The following PPP1R13B variants were observed in gnomAD, a reference collection of about 807,000 sequenced individuals.
PPP1R13B encodes the protein protein phosphatase 1 regulatory subunit 13B, also known as apoptosis-stimulating of p53 protein 1.
In PPP1R13B, 44 loss-of-function variants were observed where a neutral mutation model predicts 119.8. The observed-to-expected ratio is 0.37, with a 90% CI of 0.29 to 0.47. The LOEUF is 0.47. Among genes scored for constraint, PPP1R13B ranks in the 20% least tolerant of loss-of-function variants. PPP1R13B has a pLI of 0.99. For missense variants in PPP1R13B, 1,227 were observed against 1,413.5 expected (o/e 0.87, Z 2.12); for synonymous variants, 542 against 561.5 (o/e 0.97, Z 0.49).
chr14:103,820,955 G>A (rs1453187414), intron 1 of PPP1R13B, among the ~76,000 whole-genome samples: 2 of 152,120 alleles, frequency 1.3e-5, no homozygotes. Context: ...AAGCAAGAAA[G>A]TGATTGCTAC....
chr14:103,772,247 G>A (rs192181039), intron 4 of PPP1R13B, among the ~76,000 whole-genome samples: 31 of 152,290 alleles, frequency 2.0e-4, no homozygotes, highest in African/African-American at 5.8e-4. Flanking sequence ...ATCTGTTAAC[G>A]AACATTTGGG....
Position 103,810,720 on chromosome 14 carries a change from G to A in PPP1R13B, c.10-13202C>T, listed in dbSNP as rs186997080. Among the ~76,000 whole-genome samples the A allele has an allele frequency of 6.6e-5, 10 of 151,632 alleles. 1 individual carries two copies. In the East Asian group the frequency reaches 1.2e-3, roughly 18 times the overall value. ...CGGGAGGTGGCGCTTGCAGTGAGCCGAGATCGCACCACTGCACTCCAGCCT... is the reference window on the plus strand; with the variant it reads ...CGGGAGGTGGCGCTTGCAGTGAGCCAAGATCGCACCACTGCACTCCAGCCT... On this transcript the variant is annotated intron_variant, in intron 1 of 16. Transcript: ENST00000202556.
chr14:103,796,504 A>G (rs58369398), intron 2 of PPP1R13B, among the ~76,000 whole-genome samples: 8,463 of 152,268 alleles, frequency 0.056, 251 homozygotes, highest in Middle Eastern at 0.12. Context: ...AATTCTCCAC[A>G]TCGTATACTT....
intron 4 of PPP1R13B, among the ~76,000 whole-genome samples, chr14:103,771,195 G>A (rs992147588): frequency 2.6e-5 from 4 of 152,208 alleles, no homozygotes; most frequent in Admixed American, 6.5e-5. Flanking sequence ...CAAAAGGACA[G>A]TAGAAATTGA....
chr14:103,754,289 G>A, intron 5 of PPP1R13B, 45 bp from the exon 6 acceptor site: 1 of 1,569,040 alleles, frequency 6.4e-7, no homozygotes, highest in Non-Finnish European at 8.7e-7. Flanking sequence ...TGAAGGCTGG[G>A]CGCGGTGGCT....
At chr14:103,781,902 T>C (rs186959529) in intron 3 of PPP1R13B, among the ~76,000 whole-genome samples, 578 of 152,268 alleles carry the variant, frequency 3.8e-3, no homozygotes, top group Non-Finnish European at 6.5e-3. Flanking sequence ...TCCAACCTCC[T>C]TGGCCTCCCA....
Position 103,842,655 on chromosome 14 carries a change from T to C in PPP1R13B, c.9+4644A>G, listed in dbSNP as rs142386473. On this transcript the variant is annotated intron_variant, in intron 1 of 16. Transcript: ENST00000202556. ...CACTTCAGAGCTACAGAACAGTTCTTGACTCGTCGATACTCTTTTGGAAAA... is the reference window on the plus strand; with the variant it reads ...CACTTCAGAGCTACAGAACAGTTCTCGACTCGTCGATACTCTTTTGGAAAA... 9.9e-5 allele frequency among the ~76,000 whole-genome samples: 15 copies of C among 152,004 alleles called. No homozygotes were observed. The East Asian group carries it at 2.9e-3, about 30-fold the overall frequency.
At chr14:103,817,381 C>T (rs1179345992) in intron 1 of PPP1R13B, among the ~76,000 whole-genome samples, 1 of 151,722 alleles carries the variant, frequency 6.6e-6, no homozygotes, top group Admixed American at 6.6e-5. Flanking sequence ...GAAGACTACA[C>T]ATAAATTTAC....
chr14:103,826,710 C>CAAAAA (rs552679526), intron 1 of PPP1R13B, among the ~76,000 whole-genome samples: 1 of 88,314 alleles, frequency 1.1e-5, no homozygotes, highest in African/African-American at 4.2e-5. Context: ...CTGTCTCTAC[C>CAAAAA]AAAAAAAAAA....
At chr14:103,787,212 G>A (rs1363877709) in intron 2 of PPP1R13B, among the ~76,000 whole-genome samples, 1 of 151,810 alleles carries the variant, frequency 6.6e-6, no homozygotes, top group African/African-American at 2.4e-5. Flanking sequence ...ACTTTGGGAG[G>A]CTAAGGCAGG....
chr14:103,772,800 G>T (rs1405016285), intron 4 of PPP1R13B, among the ~76,000 whole-genome samples: 1 of 151,792 alleles, frequency 6.6e-6, no homozygotes. Context: ...CCAAGTAGTT[G>T]GGATTACAGG....
intron 1 of PPP1R13B, among the ~76,000 whole-genome samples, chr14:103,826,746 T>C (rs12433310): frequency 0.081 from 12,012 of 147,942 alleles, 647 homozygotes; most frequent in Admixed American, 0.18. Flanking sequence ...CAGTGGCTCA[T>C]GCCTGTAATC....
intron 7 of PPP1R13B, among the ~76,000 whole-genome samples, chr14:103,751,715 G>A (rs562685100): frequency 5.3e-5 from 8 of 152,178 alleles, no homozygotes; most frequent in Non-Finnish European, 1.0e-4. Context: ...GCGAGAAGGC[G>A]GCTCTCTGCA....
At chr14:103,792,378 A>C (rs895109245) in intron 2 of PPP1R13B, among the ~76,000 whole-genome samples, 17 of 152,136 alleles carry the variant, frequency 1.1e-4, no homozygotes, top group Admixed American at 9.2e-4. Flanking sequence ...GGGTTTGGCC[A>C]CATTGCCAAG....
chr14:103,848,375 C>T, upstream of PPP1R13B: 1 of 985,468 alleles, frequency 1.0e-6, no homozygotes, highest in African/African-American at 1.7e-5. Context: ...TCCAGAGGCG[C>T]CGCCCCCTCG....
intron 7 of PPP1R13B, among the ~76,000 whole-genome samples, chr14:103,750,990 A>C (rs1200097202): frequency 6.9e-6 from 1 of 144,860 alleles, no homozygotes. Flanking sequence ...TCCGTCTCTA[A>C]TAAAAATACA....
intron 8 of PPP1R13B, 84 bp downstream of exon 8, chr14:103,749,710 G>C (rs1347389527): frequency 2.2e-6 from 3 of 1,338,512 alleles, no homozygotes; most frequent in Non-Finnish European, 2.1e-6. Flanking sequence ...GTGGATGGGG[G>C]AGCATACTGC....
intron 2 of PPP1R13B, among the ~76,000 whole-genome samples, chr14:103,795,006 C>T (rs1279047457): frequency 1.3e-5 from 2 of 152,182 alleles, no homozygotes; most frequent in Middle Eastern, 3.2e-3. Flanking sequence ...TGCAGTGGCA[C>T]ACTCTTGGCT....
chr14:103,817,782 A>G (rs1420579077), intron 1 of PPP1R13B, among the ~76,000 whole-genome samples: 1 of 152,182 alleles, frequency 6.6e-6, no homozygotes, highest in Admixed American at 6.6e-5. Flanking sequence ...CACTGCAGAC[A>G]GACTGGCGTG....
Sources: gnomAD v4.1 joint callset for allele counts (sites outside exome capture counted in the v4.1 genomes callset) on GRCh38, gnomAD v4.1.1 for gene constraint, MANE v1.5 for transcripts, NCBI Gene and HGNC (gene_info 2026-07-23, HGNC 2026-07-21) for gene names.